The following PIK3C3 variants were observed in gnomAD, a reference collection of about 807,000 sequenced individuals.
PIK3C3 encodes the protein phosphatidylinositol 3-kinase catalytic subunit type 3.
A neutral mutation model predicts 126.1 loss-of-function variants in PIK3C3; 95 were observed. The observed-to-expected ratio is 0.75, with a 90% confidence interval of 0.64 to 0.89. The LOEUF is 0.89. Ranked by LOEUF, PIK3C3 falls within the 40% of genes least tolerant of loss-of-function variation. PIK3C3 has a pLI of 0.00. For synonymous variants in PIK3C3, 374 were observed against 360.0 expected (o/e 1.04, Z -0.44); for missense variants, 829 against 1,063.2 (o/e 0.78, Z 3.06).
Position 41,962,486 on chromosome 18 carries a change from T to C in PIK3C3, c.258-3T>C. On this transcript the variant is annotated splice_polypyrimidine_tract_variant and splice_region_variant and intron_variant, in intron 2 of 24. Transcript: ENST00000262039. ...CTGATTTATGTTAACTTCATTTCCA[T>C]AGCTGGAATGAATGGCTGAAACTAC... 6.2e-7 allele frequency: 1 copy of C among 1,603,820 alleles called. No individual in the cohort carries two copies. The highest frequency in any genetic ancestry group is 1.1e-5 in the South Asian group (1 of 89,644).
chr18:42,025,103 C>T (rs545688540), intron 13 of PIK3C3, among the ~76,000 whole-genome samples: 326 of 152,142 alleles, frequency 2.1e-3, no homozygotes, highest in Non-Finnish European at 3.8e-3. Context: ...TGAGCCACCA[C>T]GCCCGGCCAA....
At chr18:42,064,457 A>G (rs1002531095) in intron 22 of PIK3C3, among the ~76,000 whole-genome samples, 10 of 152,196 alleles carry the variant, frequency 6.6e-5, no homozygotes, top group Non-Finnish European at 1.0e-4. Context: ...TCTAAAATAT[A>G]TATATATACT....
At chr18:42,024,058 C>T (rs1983444864) in intron 13 of PIK3C3, among the ~76,000 whole-genome samples, 1 of 152,148 alleles carries the variant, frequency 6.6e-6, no homozygotes, top group Non-Finnish European at 1.5e-5. Context: ...TTTTTATAGT[C>T]ATTCTAGGGT....
rs1983024741 is a variant in PIK3C3, at chr18:42,015,383, CA to C, written c.1326-92del. ...TTTAGGAAGTGTTGCATTAACTAGA[CA>C]CAATTGAAGTGAACTGTTCCATAAA... On this transcript the variant is annotated intron_variant, in intron 11 of 24. Transcript: ENST00000262039. The C allele has an allele frequency of 3.4e-6, 3 of 884,850 alleles. No individual in the cohort carries two copies. The East Asian group carries it at 7.5e-5, about 22-fold the overall frequency. The allele number at this position is 884,850 out of a possible 1,614,324, so 54.8% of individuals were successfully genotyped here.
At chr18:42,034,469 C>G (rs1315068622) in intron 16 of PIK3C3, among the ~76,000 whole-genome samples, 1 of 152,142 alleles carries the variant, frequency 6.6e-6, no homozygotes, top group Non-Finnish European at 1.5e-5. Context: ...TTCATTAGTT[C>G]AGATGGTTAG....
intron 10 of PIK3C3, among the ~76,000 whole-genome samples, chr18:42,013,220 C>T (rs991987325): frequency 1.3e-5 from 2 of 150,456 alleles, no homozygotes; most frequent in African/African-American, 4.9e-5. Context: ...ACTAATTTAA[C>T]CCTCATGCTC....
At chr18:41,987,292 C>G (rs1228389396) in intron 4 of PIK3C3, among the ~76,000 whole-genome samples, 2 of 152,002 alleles carry the variant, frequency 1.3e-5, no homozygotes, top group African/African-American at 4.8e-5. Flanking sequence ...AACTGCTATT[C>G]TAGAAAATTG....
At chr18:41,963,788 G>A (rs991750226) in intron 3 of PIK3C3, among the ~76,000 whole-genome samples, 5 of 150,072 alleles carry the variant, frequency 3.3e-5, no homozygotes, top group Admixed American at 3.3e-4. Context: ...GTCCTTTTTA[G>A]AAATTGAGAT....
At chr18:42,043,705 C>T in intron 19 of PIK3C3, 28 bp from the exon 20 acceptor site, 1 of 1,475,264 alleles carries the variant, frequency 6.8e-7, no homozygotes, top group Non-Finnish European at 9.5e-7. Context: ...GTACTTAATT[C>T]TAAAACATGT....
intron 23 of PIK3C3, among the ~76,000 whole-genome samples, 171 bp downstream of exon 23, chr18:42,065,001 C>T (rs73453935): frequency 1.3e-5 from 2 of 152,150 alleles, no homozygotes; most frequent in Non-Finnish European, 2.9e-5. Flanking sequence ...GCTACTCCAG[C>T]CCTGCAGTCA....
At chr18:42,053,024 A>T (rs1339988852) in intron 21 of PIK3C3, 1 of 152,156 alleles carries the variant, frequency 6.6e-6, no homozygotes, top group East Asian at 1.9e-4. Flanking sequence ...GTGGTTTTGA[A>T]TTTCAATCAG....
At chr18:42,076,117 TATATGCGC>T (rs1173464257) in intron 24 of PIK3C3, among the ~76,000 whole-genome samples, 19 of 68,946 alleles carry the variant, frequency 2.8e-4, no homozygotes, top group African/African-American at 3.8e-4. Context: ...TATATATATA[TATATGCGC>T]ATATATATAT....
At chr18:41,995,349 A>G (rs1424996308) in intron 7 of PIK3C3, among the ~76,000 whole-genome samples, 1 of 152,182 alleles carries the variant, frequency 6.6e-6, no homozygotes, top group Non-Finnish European at 1.5e-5. Context: ...AAAAATAAAT[A>G]ATATAAATTT....
In PIK3C3 at chr18:41,970,505, T is replaced by A. The variant is rs372568623; in HGVS notation, c.531+49T>A. 178 of 1,538,044 alleles carry A rather than the reference T, an allele frequency of 1.2e-4. 1 individual carries two copies. Among genetic ancestry groups the A allele is most frequent in the Admixed American group, 1.8e-4 (11 of 59,914 alleles). ...GTGCAAAGCTCTGACTGATGTCTAT[T>A]GTAGTATATATACCTTGACATTATG... On this transcript the variant is annotated intron_variant, in intron 4 of 24. Transcript: ENST00000262039.
intron 4 of PIK3C3, chr18:41,970,945 G>C (rs1284186320): frequency 5.9e-6 from 1 of 168,406 alleles, no homozygotes; most frequent in Non-Finnish European, 1.3e-5. Context: ...CCTTAAAGTT[G>C]TTAGTGTAAC....
At chr18:42,029,069 T>A (rs748672526) in intron 14 of PIK3C3, among the ~76,000 whole-genome samples, 3 of 152,200 alleles carry the variant, frequency 2.0e-5, no homozygotes, top group Non-Finnish European at 4.4e-5. Flanking sequence ...ATGGTTTATG[T>A]GGGAAAAAAA....
chr18:42,052,633 GTC>G (rs1483029843), intron 21 of PIK3C3: 3 of 152,186 alleles, frequency 2.0e-5, no homozygotes, highest in East Asian at 3.9e-4. Flanking sequence ...AAAAGTTTGT[GTC>G]TCTAGTCATT....
chr18:42,040,763 T>C (rs373040471), intron 19 of PIK3C3, 22 bp downstream of exon 19: 4 of 1,456,878 alleles, frequency 2.7e-6, no homozygotes, highest in Middle Eastern at 1.7e-4. Flanking sequence ...ATAAAGATTA[T>C]GCAATTCATG....
intron 7 of PIK3C3, among the ~76,000 whole-genome samples, chr18:41,993,719 T>C (rs1981893497): frequency 6.6e-6 from 1 of 152,116 alleles, no homozygotes; most frequent in Non-Finnish European, 1.5e-5. Context: ...AGGAGGATTC[T>C]ATAACCAGGA....
Sources: allele counts gnomAD v4.1 joint callset (sites outside exome capture counted in the v4.1 genomes callset), GRCh38; gene constraint gnomAD v4.1.1; transcripts MANE v1.5; gene names NCBI Gene and HGNC (gene_info 2026-07-23, HGNC 2026-07-21).